Variants in SLC9B1 observed in about 807,000 individuals in gnomAD.
SLC9B1 encodes solute carrier family 9 member B1, also known as sodium/hydrogen exchanger 9B1.
SLC9B1 carries 32 observed loss-of-function variants against 51.7 expected under a neutral mutation model. That is an observed-to-expected ratio of 0.62 (90% CI 0.47 to 0.83). SLC9B1 has a LOEUF of 0.83. Ranked by LOEUF, SLC9B1 falls within the 40% of genes least tolerant of loss-of-function variation. The pLI, the probability that SLC9B1 is intolerant of heterozygous loss-of-function variation, is 0.00. For missense variants in SLC9B1, 406 were observed against 613.2 expected (o/e 0.66, Z 3.57); for synonymous variants, 145 against 212.7 (o/e 0.68, Z 2.77).
chr4:102,984,835 G>A (rs1256427188), intron 3 of SLC9B1, among the ~76,000 whole-genome samples: 1 of 152,052 alleles, frequency 6.6e-6, no homozygotes, highest in African/African-American at 2.4e-5. Context: ...TCTCCTTATA[G>A]TTTTGCCAGT....
chr4:102,919,012 T>C (rs764988424), intron 7 of SLC9B1, among the ~76,000 whole-genome samples: 27 of 152,234 alleles, frequency 1.8e-4, no homozygotes, highest in Non-Finnish European at 3.2e-4. Context: ...CTTTTAGCCA[T>C]GGCTGGGACA....
At chr4:102,974,143 A>C (rs1213933630) in intron 3 of SLC9B1, among the ~76,000 whole-genome samples, 2 of 150,600 alleles carry the variant, frequency 1.3e-5, no homozygotes, top group Non-Finnish European at 3.0e-5. Context: ...AGGCTGAGGC[A>C]GAAGAATTGC....
chr4:102,913,555 T>TAAAAAATA (rs1456140232), intron 7 of SLC9B1, among the ~76,000 whole-genome samples: 55 of 150,328 alleles, frequency 3.7e-4, no homozygotes, highest in African/African-American at 1.3e-3. Flanking sequence ...CAAAAATAAG[T>TAAAAAATA]AAAAAATAAA....
At chr4:102,972,773 A>G (rs537497334) in intron 3 of SLC9B1, among the ~76,000 whole-genome samples, 9 of 152,214 alleles carry the variant, frequency 5.9e-5, no homozygotes, top group Non-Finnish European at 1.2e-4. Context: ...TGTGGTCTGT[A>G]TATTATACCT....
chr4:103,019,596 T>C lies in SLC9B1; in HGVS notation c.-2+3A>G. On this transcript the variant is annotated splice_donor_region_variant and intron_variant, in intron 1 of 11. Coordinates refer to ENST00000296422, the MANE Select transcript of SLC9B1 (RefSeq NM_139173.4). The stretch of plus-strand genomic sequence containing the variant: ...GGGCGGCGTTAAGAAAAATGGGCCG[T>C]ACCTACAACTTCTTTCGCAGCCCTC... The C allele has an allele frequency of 2.0e-6, 2 of 985,464 alleles. No individual in the cohort carries two copies. Among genetic ancestry groups the C allele is most frequent in the Non-Finnish European group, 1.2e-6 (1 of 829,956 alleles). 61.0% of individuals were successfully genotyped at this position (985,464 alleles called of 1,614,324 possible). A position where few individuals can be genotyped will look rare whatever the true frequency, so the allele number is the denominator to read the frequency against.
intron 1 of SLC9B1, among the ~76,000 whole-genome samples, chr4:103,018,560 A>C (rs1420495162): frequency 6.6e-6 from 1 of 152,140 alleles, no homozygotes; most frequent in Non-Finnish European, 1.5e-5. Flanking sequence ...TTTATCTCTA[A>C]GGAAAATCAG....
intron 1 of SLC9B1, 92 bp downstream of exon 1, chr4:103,019,507 T>C (rs1156560720): frequency 3.4e-6 from 3 of 887,030 alleles, no homozygotes; most frequent in Non-Finnish European, 4.1e-6. Flanking sequence ...GGAAAGGCCC[T>C]CCTGCGGCCT....
chr4:102,931,743 C>T (rs1245908454), intron 7 of SLC9B1, among the ~76,000 whole-genome samples: 1 of 152,094 alleles, frequency 6.6e-6, no homozygotes, highest in African/African-American at 2.4e-5. Flanking sequence ...ATAGAGCAAC[C>T]AGTTGTTTAT....
chr4:102,985,417 G>A (rs1442624097), intron 3 of SLC9B1, among the ~76,000 whole-genome samples: 2 of 151,816 alleles, frequency 1.3e-5, no homozygotes, highest in African/African-American at 4.8e-5. Flanking sequence ...GGTTTTAATT[G>A]AGCATTTTAT....
chr4:103,019,642 G>C lies in SLC9B1; in HGVS notation c.-45C>G. 1 of 985,496 alleles carries C rather than the reference G, an allele frequency of 1.0e-6. No homozygotes were observed. The highest frequency in any genetic ancestry group is 1.2e-6 in the Non-Finnish European group (1 of 829,968). The allele number at this position is 985,496 out of a possible 1,614,324, so 61.0% of individuals were successfully genotyped here. On this transcript the variant is annotated 5_prime_UTR_variant, in exon 1 of 12. Transcript: ENST00000296422. ...CCCTCGCTGGCCCGGGAGCGGCCCA[G>C]GAGCCCAGTGACCGTTGCGTAAGCC...
chr4:102,903,614 A>C (rs1316741775), intron 11 of SLC9B1, among the ~76,000 whole-genome samples: 4 of 152,258 alleles, frequency 2.6e-5, no homozygotes, highest in Non-Finnish European at 5.9e-5. Context: ...TTTTGCATGA[A>C]AATTTAGGAG....
chr4:102,891,292 C>T (rs1391516438), intron 11 of SLC9B1: 1 of 152,152 alleles, frequency 6.6e-6, no homozygotes, highest in Non-Finnish European at 1.5e-5. Flanking sequence ...ATTTCTGCTT[C>T]TTAACAAATC....
chr4:102,994,251 T>C (rs2110522071), intron 1 of SLC9B1, among the ~76,000 whole-genome samples: 1 of 152,326 alleles, frequency 6.6e-6, no homozygotes, highest in African/African-American at 2.4e-5. Context: ...TTCTGCCAGA[T>C]ATCCTAAATT....
chr4:103,012,168 T>C (rs1741117197), intron 1 of SLC9B1, among the ~76,000 whole-genome samples: 1 of 152,244 alleles, frequency 6.6e-6, no homozygotes, highest in Admixed American at 6.5e-5. Flanking sequence ...GAGAAGCATG[T>C]AGCACCCTCA....
chr4:102,916,131 C>A (rs1390708323), intron 7 of SLC9B1, among the ~76,000 whole-genome samples: 1 of 152,038 alleles, frequency 6.6e-6, no homozygotes, highest in African/African-American at 2.4e-5. Flanking sequence ...GCTAATTTTC[C>A]AATCAAAAGA....
intron 7 of SLC9B1, among the ~76,000 whole-genome samples, chr4:102,921,119 C>A (rs571904432): frequency 1.3e-5 from 2 of 152,132 alleles, no homozygotes; most frequent in East Asian, 3.9e-4. Context: ...TCAGATTCAC[C>A]AAGGTTGAAA....
At chr4:102,936,915 T>C (rs938736389) in intron 6 of SLC9B1, among the ~76,000 whole-genome samples, 2 of 152,048 alleles carry the variant, frequency 1.3e-5, no homozygotes, top group Admixed American at 6.6e-5. Flanking sequence ...TGTGAGATAC[T>C]ACATAAGATG....
chr4:102,930,579 A>G (rs1288993300), intron 7 of SLC9B1, among the ~76,000 whole-genome samples: 1 of 151,984 alleles, frequency 6.6e-6, no homozygotes, highest in East Asian at 1.9e-4. Flanking sequence ...TAAGTTTTGT[A>G]TTTTTAGTAG....
intron 9 of SLC9B1, 52 bp from the exon 10 acceptor site, chr4:102,906,696 C>T (rs1188420156): frequency 8.6e-7 from 1 of 1,157,898 alleles, no homozygotes; most frequent in African/African-American, 1.6e-5. Flanking sequence ...AAATATATTT[C>T]AGAAACTTAA....
Sources: allele counts gnomAD v4.1 joint callset (sites outside exome capture counted in the v4.1 genomes callset), GRCh38; gene constraint gnomAD v4.1.1; transcripts MANE v1.5; gene names NCBI Gene and HGNC (gene_info 2026-07-23, HGNC 2026-07-21).